The following SPTB variants were observed in gnomAD, a reference collection of about 807,000 sequenced individuals.
SPTB encodes the protein spectrin beta, erythrocytic, also known as spectrin beta chain, erythrocytic.
In SPTB, 45 loss-of-function variants were observed where a neutral mutation model predicts 256.2. That is an observed-to-expected ratio of 0.18 (90% CI 0.14 to 0.23). The LOEUF (loss-of-function observed/expected upper bound fraction) is 0.23. Among genes scored for constraint, SPTB ranks in the 10% least tolerant of loss-of-function variants. The probability of loss-of-function intolerance (pLI) is 1.00; values close to 1 mark genes in which losing one functional copy is unlikely to be tolerated. For synonymous variants in SPTB, 1,231 were observed against 1,243.1 expected (o/e 0.99, Z 0.21); for missense variants, 2,715 against 3,040.4 (o/e 0.89, Z 2.52).
At chr14:64,815,566 T>C (rs2083175948) in intron 2 of SPTB, among the ~76,000 whole-genome samples, 1 of 152,188 alleles carries the variant, frequency 6.6e-6, no homozygotes, top group Admixed American at 6.5e-5. Flanking sequence ...ATTGTTGTCT[T>C]GCATGCAGGT....
rs900152568 is a variant in SPTB, at chr14:64,793,659, G to C, written c.2004C>G (p.Asp668Glu). ...GCTGTAAGATGAGCACACTGGTCAG[G>C]TCTTTGCCATAGTCCAGGGAAGAAT... is the stretch of plus-strand genomic sequence containing the variant. ...QIYSSLDYGK[D>E]LTSVLILQRK... The change falls in exon 14 of 36, where the codon GAC becomes GAG. Residue 668 changes from aspartate to glutamate, a missense_variant. Asp to Glu is a conservative substitution (Grantham distance 45). Around this residue, in one of 4 missense-constraint regions of SPTB, gnomAD observed 2,239 missense variants for 2,384.4 expected, o/e 0.94. Coordinates refer to ENST00000644917, the MANE Select transcript of SPTB (RefSeq NM_001355436.2). The surrounding 1 kb of genome is among the most constrained non-coding windows in gnomAD (Gnocchi z 7.0). 6.2e-7 allele frequency: 1 copy of C among 1,614,172 alleles called. No individual in the cohort carries two copies. Among genetic ancestry groups the C allele is most frequent in the Non-Finnish European group, 8.5e-7 (1 of 1,180,048 alleles).
chr14:64,795,061 C>T lies in SPTB; in HGVS notation c.1644+276G>A, dbSNP rs891169669. On this transcript the variant is annotated intron_variant, in intron 12 of 35. Coordinates refer to ENST00000644917, the MANE Select transcript of SPTB (RefSeq NM_001355436.2). The surrounding 1 kb of genome is among the most constrained non-coding windows in gnomAD (Gnocchi z 6.5). The stretch of plus-strand genomic sequence containing the variant: ...GGTTCCTGATTAATGTCTGTCTCTT[C>T]AAGGCCCTGAAGGTTGGCACCGGTG... 2.0e-5 allele frequency among the ~76,000 whole-genome samples: 3 copies of T among 152,324 alleles called. No individual in the cohort carries two copies. The highest frequency in any genetic ancestry group is 2.1e-4 in the South Asian group (1 of 4,828).
intron 24 of SPTB, 108 bp downstream of exon 24, chr14:64,774,288 GA>G (rs2082323217): frequency 7.1e-7 from 1 of 1,411,370 alleles, no homozygotes; most frequent in South Asian, 1.4e-5. Flanking sequence ...AGCCCTATTT[GA>G]TGGGAAAACT....
In SPTB at chr14:64,753,801, G is replaced by A. The variant is rs201552144; in HGVS notation, c.6346-8C>T. 1.2e-6 allele frequency: 2 copies of A among 1,612,160 alleles called. No individual in the cohort carries two copies. Among genetic ancestry groups the A allele is most frequent in the East Asian group, 2.2e-5 (1 of 44,878 alleles). On this transcript the variant is annotated splice_polypyrimidine_tract_variant and splice_region_variant and intron_variant, in intron 32 of 35. Transcript: ENST00000644917. Reference sequence around the variant, plus strand: ...CGTTCCCTCTTCTTCCCCCTGCTCAGGGCATAGGGAGGAGCACACCTTTCT... The same window carrying A: ...CGTTCCCTCTTCTTCCCCCTGCTCAAGGCATAGGGAGGAGCACACCTTTCT...
At chr14:64,869,575 G>A (rs947998496) in intron 1 of SPTB, among the ~76,000 whole-genome samples, 6 of 151,168 alleles carry the variant, frequency 4.0e-5, no homozygotes, top group Non-Finnish European at 5.9e-5. Context: ...CTCCTAAACA[G>A]CTGGGACTAC....
At chr14:64,753,110 C>G (rs773935832) in intron 33 of SPTB, among the ~76,000 whole-genome samples, 1 of 152,130 alleles carries the variant, frequency 6.6e-6, no homozygotes, top group Non-Finnish European at 1.5e-5. Context: ...AAGCGGGGCT[C>G]GAACAAGGAT....
chr14:64,810,559 A>G (rs1325414906), intron 2 of SPTB, among the ~76,000 whole-genome samples: 1 of 152,162 alleles, frequency 6.6e-6, no homozygotes, highest in Non-Finnish European at 1.5e-5. Context: ...GCGCGCCTGT[A>G]ATCCCAGCTA....
chr14:64,784,467 T>A, intron 18 of SPTB, 74 bp from the exon 19 acceptor site: 1 of 1,577,986 alleles, frequency 6.3e-7, no homozygotes, highest in South Asian at 1.1e-5. Context: ...TGCCCATCCC[T>A]GGCTGCAGAA....
intron 1 of SPTB, among the ~76,000 whole-genome samples, chr14:64,877,940 A>G (rs992274145): frequency 2.0e-5 from 3 of 152,220 alleles, no homozygotes; most frequent in African/African-American, 7.2e-5. Flanking sequence ...GATCAGAGCC[A>G]AAGGTGGTAT....
At chr14:64,756,772 T>C (rs1458268745) in intron 32 of SPTB, 1 of 152,252 alleles carries the variant, frequency 6.6e-6, no homozygotes, top group East Asian at 1.9e-4. Flanking sequence ...TGAGCTTTTA[T>C]CCCATCTTTA....
intron 1 of SPTB, among the ~76,000 whole-genome samples, chr14:64,838,710 G>T (rs139366864): frequency 5.5e-4 from 83 of 151,594 alleles, no homozygotes; most frequent in Middle Eastern, 3.2e-3. Context: ...TATCAGAACG[G>T]CTTTAAAAAA....
rs73273593 is a variant in SPTB, at chr14:64,769,850, T to C, written c.5799-122A>G. 9.0e-4 allele frequency: 1,249 copies of C among 1,390,314 alleles called. 15 individuals are homozygous for C. The African/African-American group carries it at 0.017, about 18-fold the overall frequency. 86.1% of individuals were successfully genotyped at this position (1,390,314 alleles called of 1,614,324 possible). A position where few individuals can be genotyped will look rare whatever the true frequency, so the allele number is the denominator to read the frequency against. ...GAGTGTGACCGTGCTCCCTCCTCTCTCTCTGGCCAGCCAGGGGGTCCTCCG... is the reference window on the plus strand; with the variant it reads ...GAGTGTGACCGTGCTCCCTCCTCTCCCTCTGGCCAGCCAGGGGGTCCTCCG... On this transcript the variant is annotated intron_variant, in intron 27 of 35. Transcript: ENST00000644917.
intron 1 of SPTB, among the ~76,000 whole-genome samples, chr14:64,878,467 T>C (rs749956931): frequency 2.0e-5 from 3 of 152,112 alleles, no homozygotes; most frequent in African/African-American, 4.8e-5. Flanking sequence ...AGCTGAATCC[T>C]AAAATAAGAA....
chr14:64,767,062 C>T (rs1419235909), intron 31 of SPTB, among the ~76,000 whole-genome samples: 1 of 152,184 alleles, frequency 6.6e-6, no homozygotes, highest in African/African-American at 2.4e-5. Context: ...CGAGGTGGGG[C>T]CTCGCCTGGC....
Position 64,806,717 on chromosome 14 carries a change from G to A in SPTB, c.149-1627C>T, listed in dbSNP as rs1038286715. Among the ~76,000 whole-genome samples, 5 of 152,124 alleles carry A rather than the reference G, an allele frequency of 3.3e-5. No homozygotes were observed. The highest frequency in any genetic ancestry group is 1.3e-4 in the Admixed American group (2 of 15,276). On this transcript the variant is annotated intron_variant, in intron 2 of 35. Transcript: ENST00000644917. This position sits in a 1 kb window ranked among gnomAD's most constrained non-coding sequence, Gnocchi z 4.1. ...CAGGTGCCAGGCCCTGGGTGGTGGTGGGGAACTCAAGGACAAGACTGATGG... is the reference window on the plus strand; with the variant it reads ...CAGGTGCCAGGCCCTGGGTGGTGGTAGGGAACTCAAGGACAAGACTGATGG...
Position 64,758,590 on chromosome 14 carries a change from A to G in SPTB, c.6346-4797T>C, listed in dbSNP as rs2082049837. ...CACAAGTGGATTTTACAAACAGCTC[A>G]CAACTTTGTCAAGAAAAGACTTCGA... On this transcript the variant is annotated intron_variant, in intron 32 of 35. Transcript: ENST00000644917. The surrounding 1 kb of genome is among the most constrained non-coding windows in gnomAD (Gnocchi z 4.6). 6.6e-6 allele frequency among the ~76,000 whole-genome samples: 1 copy of G among 152,258 alleles called. No individual in the cohort carries two copies. The highest frequency in any genetic ancestry group is 2.4e-5 in the African/African-American group (1 of 41,476).
Position 64,772,614 on chromosome 14 carries a change from G to T in SPTB, c.5519C>A (p.Ala1840Asp), listed in dbSNP as rs775861576. 1 of 1,611,834 alleles carries T rather than the reference G, an allele frequency of 6.2e-7. No homozygotes were observed. Among genetic ancestry groups the T allele is most frequent in the South Asian group, 1.1e-5 (1 of 91,074 alleles). ...CAGCAGGTGGAGCTCCCGCTCGAAG[G>T]CTGTGTGCACCCGGTGGAAGGACTC... ...TAESFHRVHTAFERELHLLGV... is the reference protein window; with the variant it reads ...TAESFHRVHTDFERELHLLGV... Residue 1840 changes from alanine (A) to aspartate (D), a missense_variant, in exon 26 of 36, where the codon GCC becomes GAC. By Grantham distance (126) the Ala-to-Asp change is moderately radical. Coordinates refer to ENST00000644917, the MANE Select transcript of SPTB (RefSeq NM_001355436.2). The surrounding 1 kb of genome is among the most constrained non-coding windows in gnomAD (Gnocchi z 5.4).
chr14:64,810,477 C>T (rs908276083), intron 2 of SPTB, among the ~76,000 whole-genome samples: 7 of 152,110 alleles, frequency 4.6e-5, no homozygotes, highest in East Asian at 3.9e-4. Flanking sequence ...GTCAGGAGTT[C>T]GAGATCAGCC....
intron 1 of SPTB, among the ~76,000 whole-genome samples, chr14:64,871,220 A>G (rs1882511906): frequency 6.6e-6 from 1 of 152,190 alleles, no homozygotes; most frequent in African/African-American, 2.4e-5. Context: ...TGTGGAGTGG[A>G]GTGTTCCAGG....
Sources: gnomAD v4.1 joint callset for allele counts (sites outside exome capture counted in the v4.1 genomes callset) on GRCh38, gnomAD v4.1.1 for gene constraint, gnomAD v4.1.1 regional missense constraint, Gnocchi (gnomAD v3.1) non-coding constraint, MANE v1.5 for transcripts, NCBI Gene and HGNC (gene_info 2026-07-23, HGNC 2026-07-21) for gene names.